Variants in AGBL1 observed in about 807,000 individuals in gnomAD.
AGBL1 encodes the protein AGBL carboxypeptidase 1.
Under a neutral mutation model 118.9 loss-of-function variants are expected in AGBL1, and 130 were observed. That is an observed-to-expected ratio of 1.09 (90% CI 0.95 to 1.26). The LOEUF (loss-of-function observed/expected upper bound fraction) is 1.26. Ranked by LOEUF, AGBL1 falls within the 50% of genes most tolerant of loss-of-function variation. The pLI is 0.00. For synonymous variants in AGBL1, 555 were observed against 478.9 expected, an observed-to-expected ratio of 1.16 and a Z score of -2.08; for missense variants, 1,584 against 1,298.1, an observed-to-expected ratio of 1.22 and a Z score of -3.38.
Position 86,563,481 on chromosome 15 carries a change from T to A in AGBL1, c.2994+8944T>A, listed in dbSNP as rs551803084. On this transcript the variant is annotated intron_variant, in intron 21 of 22. Transcript: ENST00000614907. Reference sequence around the variant, plus strand: ...GAGTGAGTTTTTAATCCTGAGTTCTTGTTTGATTGCACTGTGGTCTGAGAG... The same window carrying A: ...GAGTGAGTTTTTAATCCTGAGTTCTAGTTTGATTGCACTGTGGTCTGAGAG... 2.1e-3 allele frequency among the ~76,000 whole-genome samples: 323 copies of A among 152,092 alleles called. 6 individuals are homozygous for A. In the South Asian group the frequency reaches 0.043, roughly 20 times the overall value.
rs1008056203 is a variant in AGBL1 at position 86,345,054 on chromosome 15, G to A, written c.2374+49646G>A. Among the ~76,000 whole-genome samples the A allele has an allele frequency of 7.2e-5, 11 of 152,132 alleles. No homozygotes were observed. In the South Asian group the frequency reaches 1.9e-3, roughly 26 times the overall value. ...GAGCACCTCTTCTTTTTCAGGCACC[G>A]TTTTAGACTCTGGGGAGCAGCAGGG... On this transcript the variant is annotated intron_variant, in intron 17 of 22. Coordinates refer to ENST00000614907, the MANE Select transcript of AGBL1 (RefSeq NM_001386094.1).
intron 18 of AGBL1, among the ~76,000 whole-genome samples, chr15:86,506,923 G>A (rs2082984304): frequency 6.6e-6 from 1 of 152,000 alleles, no homozygotes; most frequent in Admixed American, 6.6e-5. Flanking sequence ...ATATTATTTT[G>A]AGAATTATTT....
chr15:86,410,841 T>TATATATAA lies in AGBL1; in HGVS notation c.2555+13296_2555+13297insTATATAAA, dbSNP rs67883935. ...ATATATATATATATATATATATATA[T>TATATATAA]AATATACTATTTTATATATAAAATA... On this transcript the variant is annotated intron_variant, in intron 18 of 22. Transcript: ENST00000614907. Among the ~76,000 whole-genome samples, 379 of 64,494 alleles carry TATATATAA rather than the reference T, an allele frequency of 5.9e-3. 12 individuals are homozygous for TATATATAA. Among genetic ancestry groups the TATATATAA allele is most frequent in the African/African-American group, 0.024 (353 of 14,994 alleles). 42.3% of individuals were successfully genotyped at this position (64,494 alleles called of 152,430 possible). A position where few individuals can be genotyped will look rare whatever the true frequency, so the allele number is the denominator to read the frequency against.
intron 21 of AGBL1, among the ~76,000 whole-genome samples, chr15:86,599,043 A>G (rs748819674): frequency 1.3e-5 from 2 of 152,112 alleles, no homozygotes; most frequent in Non-Finnish European, 2.9e-5. Context: ...GTCTCTTTCA[A>G]TGCTAAGAGT....
chr15:86,944,539 C>T (rs2080793690), intron 23 of AGBL1, among the ~76,000 whole-genome samples: 2 of 152,080 alleles, frequency 1.3e-5, no homozygotes, highest in Non-Finnish European at 2.9e-5. Flanking sequence ...GACTGGACAT[C>T]GCTTTGCTCA....
At chr15:86,326,354 G>A (rs1416448662) in intron 17 of AGBL1, among the ~76,000 whole-genome samples, 1 of 152,106 alleles carries the variant, frequency 6.6e-6, no homozygotes, top group African/African-American at 2.4e-5. Flanking sequence ...GGGAAAAACA[G>A]TTCCATTACA....
chr15:86,108,641 G>T (rs7173050), intron 1 of AGBL1, among the ~76,000 whole-genome samples: 14,034 of 152,124 alleles, frequency 0.092, 1,687 homozygotes, highest in African/African-American at 0.28. Context: ...ACTGGAAAAT[G>T]CTCCAAGATC....
chr15:86,335,559 A>G (rs563457677), intron 17 of AGBL1, among the ~76,000 whole-genome samples: 3 of 152,216 alleles, frequency 2.0e-5, no homozygotes, highest in South Asian at 4.1e-4. Context: ...CCTTAAGTTG[A>G]GGATAGGATT....
At chr15:86,229,987 G>T (rs931595183) in intron 6 of AGBL1, among the ~76,000 whole-genome samples, 1 of 152,194 alleles carries the variant, frequency 6.6e-6, no homozygotes, top group Non-Finnish European at 1.5e-5. Flanking sequence ...AGAAGTTGGG[G>T]CATGGGAACA....
At chr15:86,478,165 C>T (rs895000941) in intron 18 of AGBL1, among the ~76,000 whole-genome samples, 13 of 152,114 alleles carry the variant, frequency 8.5e-5, no homozygotes, top group Non-Finnish European at 1.5e-4. Context: ...CCTTTGAAAA[C>T]GGGCACAAGA....
At chr15:86,240,552 C>T (rs1043182236) in intron 6 of AGBL1, among the ~76,000 whole-genome samples, 3 of 152,224 alleles carry the variant, frequency 2.0e-5, no homozygotes, top group African/African-American at 7.2e-5. Context: ...TATTTGGGAT[C>T]AGGCAAGTTT....
chr15:86,460,544 T>G (rs527461907), intron 18 of AGBL1, among the ~76,000 whole-genome samples: 31 of 150,928 alleles, frequency 2.1e-4, no homozygotes, highest in African/African-American at 7.0e-4. Context: ...ACAAAAACAA[T>G]GGTTCTTGTT....
chr15:86,277,226 C>G (rs867011901), intron 15 of AGBL1, among the ~76,000 whole-genome samples: 1 of 148,502 alleles, frequency 6.7e-6, no homozygotes, highest in South Asian at 2.1e-4. Flanking sequence ...AGCCTTTAGT[C>G]TTGCTCGGGA....
chr15:86,929,993 G>A (rs2141633622), intron 23 of AGBL1, among the ~76,000 whole-genome samples: 1 of 152,224 alleles, frequency 6.6e-6, no homozygotes, highest in African/African-American at 2.4e-5. Context: ...CACATAGGTA[G>A]GTGTGTGTAA....
chr15:86,463,351 A>T (rs2082357611), intron 18 of AGBL1, among the ~76,000 whole-genome samples: 1 of 150,776 alleles, frequency 6.6e-6, no homozygotes, highest in East Asian at 1.9e-4. Flanking sequence ...TGTTTGTCAG[A>T]TGGATAGATT....
At chr15:86,282,955 C>A (rs1052474175) in intron 16 of AGBL1, among the ~76,000 whole-genome samples, 3 of 152,124 alleles carry the variant, frequency 2.0e-5, no homozygotes, top group Admixed American at 2.0e-4. Flanking sequence ...TTGAAACTCT[C>A]AAAATTTTTT....
intron 22 of AGBL1, among the ~76,000 whole-genome samples, chr15:86,880,315 G>A (rs1388813862): frequency 2.0e-5 from 3 of 152,142 alleles, no homozygotes; most frequent in African/African-American, 7.2e-5. Context: ...CCTTCACTGG[G>A]AGCTGCCATT....
At chr15:86,950,948 A>T (rs1371905749) in intron 23 of AGBL1, among the ~76,000 whole-genome samples, 1 of 152,208 alleles carries the variant, frequency 6.6e-6, no homozygotes, top group Non-Finnish European at 1.5e-5. Flanking sequence ...GAGTAGAGTG[A>T]GATAAACGAA....
intron 21 of AGBL1, among the ~76,000 whole-genome samples, chr15:86,564,327 A>T (rs1308796365): frequency 6.6e-6 from 1 of 152,096 alleles, no homozygotes; most frequent in Non-Finnish European, 1.5e-5. Context: ...GCAGGCCTGG[A>T]GGTGACACAA....
Sources: gnomAD v4.1 joint callset for allele counts (sites outside exome capture counted in the v4.1 genomes callset) on GRCh38, gnomAD v4.1.1 for gene constraint, MANE v1.5 for transcripts, NCBI Gene and HGNC (gene_info 2026-07-23, HGNC 2026-07-21) for gene names.